FAM81A: variants seen among roughly 807,000 people sequenced by gnomAD.
The protein encoded by FAM81A is protein FAM81A.
In FAM81A, 19 loss-of-function variants were observed where a neutral mutation model predicts 46.7. The observed-to-expected ratio is 0.41, with a 90% confidence interval of 0.28 to 0.60. The LOEUF is 0.60. FAM81A is among the 20% of genes least tolerant of loss of function. The pLI, the probability that FAM81A is intolerant of heterozygous loss-of-function variation, is 0.34. For synonymous variants in FAM81A, 183 were observed against 152.9 expected, an observed-to-expected ratio of 1.20 and a Z score of -1.45; for missense variants, 377 against 453.5, an observed-to-expected ratio of 0.83 and a Z score of 1.53.
chr15:59,403,613 C>T (rs1364726031), intron 2 of FAM81A, among the ~76,000 whole-genome samples: 1 of 152,150 alleles, frequency 6.6e-6, no homozygotes, highest in South Asian at 2.1e-4. Flanking sequence ...CCTAGTTCCT[C>T]TGGTTATTTT....
At position 59,523,352 on chromosome 15, in the gene FAM81A, AT is replaced by A. The variant is rs1392319412; in HGVS notation, c.*1976del. The A allele has an allele frequency of 1.3e-5, 2 of 152,188 alleles. No homozygotes were observed. Among genetic ancestry groups the A allele is most frequent in the African/African-American group, 4.8e-5 (2 of 41,424 alleles). 9.4% of individuals were successfully genotyped at this position (152,188 alleles called of 1,614,324 possible). A position where few individuals can be genotyped will look rare whatever the true frequency, so the allele number is the denominator to read the frequency against. On this transcript the variant is annotated 3_prime_UTR_variant, in exon 9 of 9. Transcript: ENST00000288228. ...ATGCCCCGCTGTGCCTCCCAGACCGATTAAGTCAGAACCTCTGGGAGGTGGG... is the reference window on the plus strand; with the variant it reads ...ATGCCCCGCTGTGCCTCCCAGACCGATAAGTCAGAACCTCTGGGAGGTGGG...
intron 3 of FAM81A, among the ~76,000 whole-genome samples, chr15:59,464,160 A>G (rs909467845): frequency 6.6e-6 from 1 of 152,110 alleles, no homozygotes; most frequent in Non-Finnish European, 1.5e-5. Context: ...GTTCTTTTTT[A>G]TGGCTGATAG....
chr15:59,472,782 T>G (rs1197874527), intron 3 of FAM81A, among the ~76,000 whole-genome samples: 1 of 152,114 alleles, frequency 6.6e-6, no homozygotes, highest in Non-Finnish European at 1.5e-5. Context: ...TTAACCCCCT[T>G]AAGTTAGTCA....
chr15:59,432,334 A>G (rs868778494), intron 2 of FAM81A, among the ~76,000 whole-genome samples: 1 of 152,268 alleles, frequency 6.6e-6, no homozygotes, highest in Non-Finnish European at 1.5e-5. Flanking sequence ...AAGAAATCAG[A>G]GATAATGTTA....
At chr15:59,518,519 C>T (rs1269656500) in intron 8 of FAM81A, among the ~76,000 whole-genome samples, 2 of 151,940 alleles carry the variant, frequency 1.3e-5, no homozygotes, top group African/African-American at 4.8e-5. Context: ...AGAGATGGGT[C>T]CTCAGTATGT....
chr15:59,441,290 G>T (rs2081294745), intron 1 of FAM81A, among the ~76,000 whole-genome samples: 1 of 152,104 alleles, frequency 6.6e-6, no homozygotes, highest in Non-Finnish European at 1.5e-5. Context: ...ACTCTGGTGG[G>T]GTCCTCGCTC....
intron 1 of FAM81A, among the ~76,000 whole-genome samples, chr15:59,398,997 G>T (rs563903046): frequency 2.6e-5 from 4 of 151,926 alleles, no homozygotes; most frequent in South Asian, 2.1e-4. Flanking sequence ...GTGAAACCCC[G>T]TCTCTACTAA....
intron 1 of FAM81A, among the ~76,000 whole-genome samples, chr15:59,450,641 G>T (rs1360949092): frequency 2.0e-5 from 3 of 152,066 alleles, no homozygotes; most frequent in Non-Finnish European, 4.4e-5. Flanking sequence ...TGGCAAATTA[G>T]ATTTATTTTA....
At chr15:59,421,051 T>G (rs1190044481) in intron 2 of FAM81A, among the ~76,000 whole-genome samples, 6 of 152,318 alleles carry the variant, frequency 3.9e-5, no homozygotes, top group Non-Finnish European at 7.3e-5. Context: ...CTCTACTGTG[T>G]TCTGGTGGGG....
intron 2 of FAM81A, among the ~76,000 whole-genome samples, chr15:59,427,892 A>C (rs1047562854): frequency 1.3e-5 from 2 of 152,220 alleles, no homozygotes; most frequent in Non-Finnish European, 2.9e-5. Flanking sequence ...TCTTCGATAT[A>C]CTGATTTCCT....
chr15:59,481,161 A>C (rs1281377578), intron 3 of FAM81A, among the ~76,000 whole-genome samples: 1 of 151,950 alleles, frequency 6.6e-6, no homozygotes, highest in African/African-American at 2.4e-5. Context: ...CTCTTGGCTA[A>C]TTAAAAAAAA....
At position 59,421,729 on chromosome 15, in the gene FAM81A, GTCTATCTATCTATCTGTCTA is replaced by G. The variant is rs1315286039; in HGVS notation, c.-78+19387_-78+19406del. Among the ~76,000 whole-genome samples, 108 of 128,968 alleles carry G rather than the reference GTCTATCTATCTATCTGTCTA, an allele frequency of 8.4e-4. 1 individual carries two copies. The highest frequency in any genetic ancestry group is 9.9e-4 in the South Asian group (4 of 4,046). 84.6% of individuals were successfully genotyped at this position (128,968 alleles called of 152,430 possible). A position where few individuals can be genotyped will look rare whatever the true frequency, so the allele number is the denominator to read the frequency against. ...AAACTATCTATCTGTCTGTCTGTCT[GTCTATCTATCTATCTGTCTA>G]TCTATCTATCTATCTATCTATCTAT... On this transcript the variant is annotated intron_variant, in intron 2 of 4. Transcript: ENST00000558348.
At chr15:59,462,359 TG>T (rs2141651195) in intron 3 of FAM81A, among the ~76,000 whole-genome samples, 1 of 152,270 alleles carries the variant, frequency 6.6e-6, no homozygotes, top group African/African-American at 2.4e-5. Context: ...GGATGTGTAG[TG>T]GTATCTCATT....
intron 1 of FAM81A, among the ~76,000 whole-genome samples, chr15:59,451,472 G>A (rs2081418124): frequency 6.9e-6 from 1 of 144,594 alleles, no homozygotes; most frequent in African/African-American, 2.6e-5. Flanking sequence ...TTTTTTTTGA[G>A]ATGAGTCTCA....
intron 1 of FAM81A, chr15:59,446,647 C>T (rs2081356880): frequency 6.6e-6 from 1 of 152,182 alleles, no homozygotes; most frequent in South Asian, 2.1e-4. Context: ...TCACAAAGAG[C>T]ACTGAAAATA....
chr15:59,513,463 C>A (rs1276411564), intron 6 of FAM81A, among the ~76,000 whole-genome samples: 2 of 152,176 alleles, frequency 1.3e-5, no homozygotes, highest in Non-Finnish European at 2.9e-5. Flanking sequence ...CGCTGTGTCA[C>A]CTCAGTGCCT....
At chr15:59,459,158 C>T (rs2081519598) in intron 2 of FAM81A, among the ~76,000 whole-genome samples, 1 of 152,030 alleles carries the variant, frequency 6.6e-6, no homozygotes, top group Admixed American at 6.6e-5. Flanking sequence ...CCATGCCCAG[C>T]TAATTTTTAA....
intron 1 of FAM81A, among the ~76,000 whole-genome samples, chr15:59,398,545 G>A (rs1227757660): frequency 2.0e-5 from 3 of 150,346 alleles, no homozygotes; most frequent in Non-Finnish European, 4.4e-5. Flanking sequence ...GATCACTTGA[G>A]GCTACAAGTT....
At chr15:59,423,375 G>A (rs1380809657) in intron 2 of FAM81A, among the ~76,000 whole-genome samples, 1 of 152,262 alleles carries the variant, frequency 6.6e-6, no homozygotes. Context: ...TGGGATTACA[G>A]GCGTGAGCCA....
Sources: gnomAD v4.1 joint callset for allele counts (sites outside exome capture counted in the v4.1 genomes callset) on GRCh38, gnomAD v4.1.1 for gene constraint, MANE v1.5 for transcripts, NCBI Gene and HGNC (gene_info 2026-07-23, HGNC 2026-07-21) for gene names.